The following ZFYVE27 variants were observed in gnomAD, a reference collection of about 807,000 sequenced individuals.
ZFYVE27 encodes protrudin.
In ZFYVE27, 36 loss-of-function variants were observed where a neutral mutation model predicts 52.8. The observed-to-expected ratio is 0.68, with a 90% confidence interval of 0.52 to 0.90. The LOEUF is 0.90. Among genes scored for constraint, ZFYVE27 ranks in the 40% least tolerant of loss-of-function variants. ZFYVE27 has a pLI of 0.00. For synonymous variants in ZFYVE27, 223 were observed against 215.6 expected (o/e 1.03, Z -0.30); for missense variants, 450 against 527.2 (o/e 0.85, Z 1.43).
intron 4 of ZFYVE27, among the ~76,000 whole-genome samples, chr10:97,746,809 C>T (rs2045561859): frequency 6.6e-6 from 1 of 152,014 alleles, no homozygotes; most frequent in Non-Finnish European, 1.5e-5. Context: ...TCTGCCTCAG[C>T]CTCCTGAGTA....
At chr10:97,757,587 G>T in intron 11 of ZFYVE27, 55 bp from the exon 12 acceptor site, 1 of 1,578,794 alleles carries the variant, frequency 6.3e-7, no homozygotes, top group South Asian at 1.1e-5. Flanking sequence ...GAGGTGCTGA[G>T]AACTCCAGGT....
Position 97,759,391 on chromosome 10 carries a change from C to T in ZFYVE27, c.*91C>T. Reference sequence around the variant, plus strand: ...CACCCCTGGCCCACTGTGGTGTGTGCTGGGCAAATGTGGCCTGAATGCTAG... The same window carrying T: ...CACCCCTGGCCCACTGTGGTGTGTGTTGGGCAAATGTGGCCTGAATGCTAG... On this transcript the variant is annotated 3_prime_UTR_variant, in exon 13 of 13. Coordinates refer to ENST00000684270, the MANE Select transcript of ZFYVE27 (RefSeq NM_001385875.1). 7.1e-7 allele frequency: 1 copy of T among 1,399,540 alleles called. No individual in the cohort carries two copies. Among genetic ancestry groups the T allele is most frequent in the Non-Finnish European group, 1.0e-6 (1 of 988,768 alleles). The allele number at this position is 1,399,540 out of a possible 1,614,324, so 86.7% of individuals were successfully genotyped here. A position where few individuals can be genotyped will look rare whatever the true frequency, so the allele number is the denominator to read the frequency against.
chr10:97,753,216 G>T (rs531075369), intron 10 of ZFYVE27, 34 bp downstream of exon 10: 1 of 1,598,012 alleles, frequency 6.3e-7, no homozygotes, highest in Non-Finnish European at 8.5e-7. Context: ...GCTGGTGGGG[G>T]AGTGGGGGTG....
At chr10:97,742,625 A>C (rs549415186) in intron 2 of ZFYVE27, among the ~76,000 whole-genome samples, 8 of 152,306 alleles carry the variant, frequency 5.3e-5, no homozygotes, top group African/African-American at 1.7e-4. Flanking sequence ...GGACATAAGA[A>C]GATAAAGGCA....
rs1388637731 is a variant in ZFYVE27, at chr10:97,744,921, T to A, written c.455+6T>A. 2 of 1,564,022 alleles carry A rather than the reference T, an allele frequency of 1.3e-6. No individual in the cohort carries two copies. The highest frequency in any genetic ancestry group is 1.7e-6 in the Non-Finnish European group (2 of 1,154,760). ...GTGGCTGAGGTGAAGAGCTTGTGAG[T>A]ATGGAAGAGAGGCCAGGGAGGTGGG... On this transcript the variant is annotated splice_donor_region_variant and intron_variant, in intron 4 of 12. Coordinates refer to ENST00000684270, the MANE Select transcript of ZFYVE27 (RefSeq NM_001385875.1).
At chr10:97,737,713 G>C (rs1285725528) in intron 1 of ZFYVE27, among the ~76,000 whole-genome samples, 1 of 152,220 alleles carries the variant, frequency 6.6e-6, no homozygotes, top group African/African-American at 2.4e-5. Context: ...TTAGAGTTCA[G>C]GATAGGACTT....
chr10:97,757,457 G>A, intron 11 of ZFYVE27, 146 bp downstream of exon 11: 1 of 1,329,274 alleles, frequency 7.5e-7, no homozygotes, highest in African/African-American at 1.4e-5. Flanking sequence ...GCCCTCCCCT[G>A]CGCCTGTGCC....
At chr10:97,752,967 A>G (rs1340819590) in intron 9 of ZFYVE27, 71 bp from the exon 10 acceptor site, 1 of 1,613,064 alleles carries the variant, frequency 6.2e-7, no homozygotes, top group Non-Finnish European at 8.5e-7. Flanking sequence ...GCTGCCGCGC[A>G]GGATGCCTCT....
chr10:97,750,338 T>G lies in ZFYVE27; in HGVS notation c.672T>G (p.Ser224=). Residue 224 remains serine (S), a synonymous_variant, in exon 7 of 13, where the codon TCT becomes TCG. Coordinates refer to ENST00000684270, the MANE Select transcript of ZFYVE27 (RefSeq NM_001385875.1). ...TCTCCATTCCCTGGGTAGTTGTGTC[T>G]GAGTACAGGGCATCTCTGCAGCAGA... is the stretch of plus-strand genomic sequence containing the variant. The part of the protein sequence containing the change: ...LGNVEFFRVV[S]EYRASLQQRM... The G allele has an allele frequency of 6.2e-7, 1 of 1,614,102 alleles. No homozygotes were observed. The highest frequency in any genetic ancestry group is 1.7e-5 in the Admixed American group (1 of 60,032).
chr10:97,753,326 G>A (rs1396579765), intron 10 of ZFYVE27, 144 bp downstream of exon 10: 12 of 1,311,998 alleles, frequency 9.1e-6, no homozygotes, highest in African/African-American at 5.8e-5. Context: ...AGGTGTGTCC[G>A]CGGGACCCCG....
rs760891832 is a variant in ZFYVE27 at position 97,753,028 on chromosome 10, G to A, written c.898-10G>A. On this transcript the variant is annotated splice_polypyrimidine_tract_variant and intron_variant, in intron 9 of 12. Coordinates refer to ENST00000684270, the MANE Select transcript of ZFYVE27 (RefSeq NM_001385875.1). ...GAGGTGGGCAGGACTGGAAGGAGCT[G>A]TTCCCACAGGAGGATGATGAGGGCG... 11 of 1,612,800 alleles carry A rather than the reference G, an allele frequency of 6.8e-6. No homozygotes were observed. Among genetic ancestry groups the A allele is most frequent in the Non-Finnish European group, 9.3e-6 (11 of 1,179,506 alleles).
intron 2 of ZFYVE27, among the ~76,000 whole-genome samples, chr10:97,740,396 T>TTTTC (rs1354500517): frequency 1.1e-4 from 17 of 152,338 alleles, no homozygotes; most frequent in South Asian, 2.1e-4. Flanking sequence ...GGAGAGGCTG[T>TTTTC]TTTCTCCTTT....
intron 4 of ZFYVE27, among the ~76,000 whole-genome samples, chr10:97,745,941 C>T (rs907040383): frequency 4.0e-5 from 6 of 151,170 alleles, no homozygotes; most frequent in African/African-American, 1.2e-4. Context: ...CCAGAAATTC[C>T]GAGTCAGTTA....
chr10:97,746,922 C>T (rs922797032), intron 4 of ZFYVE27, among the ~76,000 whole-genome samples: 3 of 152,102 alleles, frequency 2.0e-5, no homozygotes, highest in African/African-American at 7.2e-5. Context: ...AATTCCTGGG[C>T]TCTAGCAATC....
chr10:97,748,603 C>T (rs948782469), intron 5 of ZFYVE27, among the ~76,000 whole-genome samples: 5 of 152,174 alleles, frequency 3.3e-5, no homozygotes, highest in Non-Finnish European at 7.3e-5. Flanking sequence ...CCATATAATC[C>T]ACCATGCAGC....
At chr10:97,739,737 A>G (rs372168904) in intron 2 of ZFYVE27, among the ~76,000 whole-genome samples, 54 of 152,252 alleles carry the variant, frequency 3.5e-4, no homozygotes, top group South Asian at 1.0e-3. Flanking sequence ...GTCTAAGACA[A>G]TCTCTCTCGT....
chr10:97,741,017 C>T (rs1223292282), intron 2 of ZFYVE27, among the ~76,000 whole-genome samples: 7 of 152,042 alleles, frequency 4.6e-5, no homozygotes, highest in Admixed American at 3.9e-4. Flanking sequence ...TCGCTTTTAC[C>T]CTGGTAGCTG....
chr10:97,752,733 G>A, intron 8 of ZFYVE27, 124 bp from the exon 9 acceptor site: 2 of 1,117,626 alleles, frequency 1.8e-6, no homozygotes, highest in Non-Finnish European at 2.6e-6. Context: ...TTTGGGAAGT[G>A]CGCAGAGCTC....
chr10:97,755,635 A>C (rs769963928), intron 10 of ZFYVE27, among the ~76,000 whole-genome samples: 10 of 152,074 alleles, frequency 6.6e-5, no homozygotes, highest in Non-Finnish European at 1.2e-4. Flanking sequence ...AGGATTCCAC[A>C]TGTGAATGTT....
Sources: allele counts gnomAD v4.1 joint callset (sites outside exome capture counted in the v4.1 genomes callset), GRCh38; gene constraint gnomAD v4.1.1; transcripts MANE v1.5; gene names NCBI Gene and HGNC (gene_info 2026-07-23, HGNC 2026-07-21).